IMMT: variants seen among roughly 807,000 people sequenced by gnomAD.
The protein encoded by IMMT is MICOS complex subunit MIC60.
Under a neutral mutation model 92.7 loss-of-function variants are expected in IMMT, and 40 were observed. The observed-to-expected ratio is 0.43, with a 90% confidence interval of 0.34 to 0.56. IMMT has a LOEUF of 0.56. IMMT is among the 20% of genes least tolerant of loss of function. IMMT has a pLI of 0.03. For missense variants in IMMT, 831 were observed against 912.1 expected, an observed-to-expected ratio of 0.91 and a Z score of 1.14; for synonymous variants, 322 against 336.1, an observed-to-expected ratio of 0.96 and a Z score of 0.46.
intron 1 of IMMT, among the ~76,000 whole-genome samples, chr2:86,192,511 C>G (rs1020487332): frequency 2.0e-5 from 3 of 152,126 alleles, no homozygotes; most frequent in African/African-American, 7.2e-5. Flanking sequence ...ATGTCATAAA[C>G]ATTCACTGAG....
chr2:86,176,827 A>G (rs1359675518), intron 3 of IMMT, among the ~76,000 whole-genome samples: 1 of 152,218 alleles, frequency 6.6e-6, no homozygotes, highest in Non-Finnish European at 1.5e-5. Flanking sequence ...GAATTTTTCA[A>G]CCTTACTCCA....
intron 3 of IMMT, among the ~76,000 whole-genome samples, chr2:86,175,270 C>T (rs959726589): frequency 6.6e-6 from 1 of 152,020 alleles, no homozygotes; most frequent in Non-Finnish European, 1.5e-5. Flanking sequence ...ACTGTATTAT[C>T]TGGTTCCTCA....
intron 12 of IMMT, among the ~76,000 whole-genome samples, chr2:86,149,413 T>C (rs1321074874): frequency 6.6e-6 from 1 of 152,212 alleles, no homozygotes; most frequent in Admixed American, 6.5e-5. Flanking sequence ...GAATTTGGAA[T>C]TATATTAAAT....
intron 3 of IMMT, among the ~76,000 whole-genome samples, chr2:86,177,477 G>A (rs999257056): frequency 3.9e-5 from 6 of 151,990 alleles, no homozygotes; most frequent in African/African-American, 1.2e-4. Flanking sequence ...GGTGGTGCAC[G>A]CCTGTAGTCC....
chr2:86,180,264 C>CT (rs1389276957), intron 2 of IMMT, among the ~76,000 whole-genome samples: 3 of 151,784 alleles, frequency 2.0e-5, no homozygotes, highest in Middle Eastern at 3.4e-3. Context: ...ACAATAAACT[C>CT]TTTTTTTTAT....
At chr2:86,146,952 G>A (rs1675063777) in intron 13 of IMMT, among the ~76,000 whole-genome samples, 1 of 151,974 alleles carries the variant, frequency 6.6e-6, no homozygotes, top group African/African-American at 2.4e-5. Context: ...ATAGAGACAG[G>A]GTTTCGCCAT....
At chr2:86,156,263 C>G (rs1049301796) in intron 10 of IMMT, among the ~76,000 whole-genome samples, 4 of 152,110 alleles carry the variant, frequency 2.6e-5, no homozygotes, top group African/African-American at 9.7e-5. Context: ...GACAAAATGC[C>G]CTCAGTTGAG....
At position 86,167,642 on chromosome 2, in the gene IMMT, G is replaced by A. The variant is rs542479860; in HGVS notation, c.656-998C>T. Among the ~76,000 whole-genome samples the A allele has an allele frequency of 7.9e-5, 12 of 151,650 alleles. No homozygotes were observed. In the East Asian group the frequency reaches 9.8e-4, roughly 12 times the overall value. On this transcript the variant is annotated intron_variant, in intron 6 of 14. Transcript: ENST00000410111. Reference sequence around the variant, plus strand: ...TGGGACTACAGGTGCCTGCCACCACGCTCAGCTAATATTTTGTATTTTTAG... The same window carrying A: ...TGGGACTACAGGTGCCTGCCACCACACTCAGCTAATATTTTGTATTTTTAG...
At position 86,158,767 on chromosome 2, in the gene IMMT, C is replaced by T. The variant is rs1274570489; in HGVS notation, c.1033-46G>A. On this transcript the variant is annotated intron_variant, in intron 9 of 14. Coordinates refer to ENST00000410111, the MANE Select transcript of IMMT (RefSeq NM_006839.3). ...TGTGATTAAATTGAACAAAAAATAC[C>T]ATAAACATTCCAAGAAACAGAAGTA... is the stretch of plus-strand genomic sequence containing the variant. 17 of 1,462,526 alleles carry T rather than the reference C, an allele frequency of 1.2e-5. No homozygotes were observed. In the South Asian group the frequency reaches 1.9e-4, roughly 16 times the overall value. The allele number at this position is 1,462,526 out of a possible 1,614,324, so 90.6% of individuals were successfully genotyped here.
In IMMT at chr2:86,146,194, G is replaced by C; in HGVS notation, c.1537C>G (p.Leu513Val). Residue 513 changes from leucine (L) to valine (V), a missense_variant, in exon 14 of 15, where the codon CTG becomes GTG. By Grantham distance (32) the Leu-to-Val change is conservative. Transcript: ENST00000410111. ...TCTTGTTCAGAGAGTTTCTCAGACA[G>C]GTTCTGAAATAAAACAGAAATAGTT... ...QELKSEFEQN[L>V]SEKLSEQELQ... 1 of 1,602,844 alleles carries C rather than the reference G, an allele frequency of 6.2e-7. No homozygotes were observed. Among genetic ancestry groups the C allele is most frequent in the Non-Finnish European group, 8.5e-7 (1 of 1,172,414 alleles).
At chr2:86,163,012 A>G (rs1676406373) in intron 7 of IMMT, among the ~76,000 whole-genome samples, 1 of 152,214 alleles carries the variant, frequency 6.6e-6, no homozygotes, top group African/African-American at 2.4e-5. Flanking sequence ...AGAGTCCCAC[A>G]CTATGAGGGG....
intron 13 of IMMT, among the ~76,000 whole-genome samples, chr2:86,146,671 TA>T: frequency 6.6e-6 from 1 of 152,262 alleles, no homozygotes; most frequent in South Asian, 2.1e-4. Context: ...CCGATGTATA[TA>T]ATTCTTTACA....
At chr2:86,180,801 C>T (rs926742666) in intron 2 of IMMT, among the ~76,000 whole-genome samples, 6 of 151,648 alleles carry the variant, frequency 4.0e-5, no homozygotes, top group African/African-American at 7.3e-5. Flanking sequence ...GCAGAAAAAT[C>T]GCTTGAACCT....
chr2:86,153,486 G>T, intron 11 of IMMT, 74 bp downstream of exon 11: 1 of 740,502 alleles, frequency 1.4e-6, no homozygotes, highest in Admixed American at 3.8e-5. Context: ...AGAATCATAG[G>T]CACAACAAAA....
chr2:86,171,460 A>T, intron 4 of IMMT, 115 bp from the exon 5 acceptor site: 1 of 892,776 alleles, frequency 1.1e-6, no homozygotes, highest in Non-Finnish European at 1.8e-6. Flanking sequence ...AGAGACACAA[A>T]TATTTGTACT....
intron 10 of IMMT, among the ~76,000 whole-genome samples, chr2:86,154,905 C>T (rs2104770518): frequency 6.6e-6 from 1 of 152,218 alleles, no homozygotes; most frequent in South Asian, 2.1e-4. Context: ...TCCCGTTGCC[C>T]AGGCTGGAGT....
chr2:86,182,189 C>A (rs544915843), intron 1 of IMMT, among the ~76,000 whole-genome samples: 1 of 152,124 alleles, frequency 6.6e-6, no homozygotes, highest in Non-Finnish European at 1.5e-5. Context: ...ACCATTCATA[C>A]CTATTAATTT....
chr2:86,191,272 T>G (rs1343798732), intron 1 of IMMT, among the ~76,000 whole-genome samples: 1 of 144,054 alleles, frequency 6.9e-6, no homozygotes, highest in Non-Finnish European at 1.5e-5. Context: ...TTGAGTCTGG[T>G]GGATGGAGGT....
At chr2:86,188,418 C>A (rs1443460996) in intron 1 of IMMT, among the ~76,000 whole-genome samples, 1 of 152,130 alleles carries the variant, frequency 6.6e-6, no homozygotes, top group African/African-American at 2.4e-5. Flanking sequence ...CACACGCACA[C>A]AAATACATAT....
Sources: allele counts gnomAD v4.1 joint callset (sites outside exome capture counted in the v4.1 genomes callset), GRCh38; gene constraint gnomAD v4.1.1; transcripts MANE v1.5; gene names NCBI Gene and HGNC (gene_info 2026-07-23, HGNC 2026-07-21).